The following LAMA1 variants were observed in gnomAD, a reference collection of about 807,000 sequenced individuals.
LAMA1 encodes the protein laminin subunit alpha 1.
In LAMA1, 219 loss-of-function variants were observed where a neutral mutation model predicts 348.7. That is an observed-to-expected ratio of 0.63 (90% CI 0.56 to 0.70). The LOEUF (loss-of-function observed/expected upper bound fraction) is 0.70. Ranked by LOEUF, LAMA1 falls within the 30% of genes least tolerant of loss-of-function variation. The probability of loss-of-function intolerance (pLI) is 0.00; values close to 1 mark genes in which losing one functional copy is unlikely to be tolerated. For synonymous variants in LAMA1, 1,487 were observed against 1,491.0 expected, an observed-to-expected ratio of 1.00 and a Z score of 0.06; for missense variants, 3,744 against 3,888.0, an observed-to-expected ratio of 0.96 and a Z score of 0.99.
At chr18:7,011,910 G>A (rs1227605268) in intron 24 of LAMA1, 85 bp downstream of exon 24, 1 of 1,490,906 alleles carries the variant, frequency 6.7e-7, no homozygotes, top group Non-Finnish European at 9.1e-7. Context: ...AATTTAATGT[G>A]AACACTTGGC....
chr18:7,106,692 C>T (rs894810570), intron 1 of LAMA1, among the ~76,000 whole-genome samples: 2 of 151,954 alleles, frequency 1.3e-5, no homozygotes, highest in African/African-American at 4.8e-5. Flanking sequence ...TGATATGACC[C>T]CCACCCCAGA....
At chr18:7,053,372 A>G (rs1209666939) in intron 3 of LAMA1, among the ~76,000 whole-genome samples, 2 of 152,380 alleles carry the variant, frequency 1.3e-5, no homozygotes, top group East Asian at 1.9e-4. Context: ...TGTCTCATCA[A>G]TGATAACAAA....
intron 19 of LAMA1, among the ~76,000 whole-genome samples, chr18:7,020,224 G>A (rs1053123581): frequency 2.6e-5 from 4 of 152,066 alleles, no homozygotes; most frequent in African/African-American, 9.7e-5. Flanking sequence ...CTACCTGGAC[G>A]GCCTGTCCAC....
chr18:7,021,340 G>A (rs1033776038), intron 19 of LAMA1, among the ~76,000 whole-genome samples: 5 of 152,206 alleles, frequency 3.3e-5, no homozygotes, highest in African/African-American at 1.2e-4. Flanking sequence ...TGTGGCTGAT[G>A]CAAGCGAAGA....
intron 36 of LAMA1, among the ~76,000 whole-genome samples, chr18:6,989,731 C>T (rs2057750536): frequency 6.6e-6 from 1 of 152,094 alleles, no homozygotes; most frequent in Admixed American, 6.5e-5. Context: ...CCCTGCCTAC[C>T]CACCTCCTTT....
intron 16 of LAMA1, among the ~76,000 whole-genome samples, chr18:7,031,073 G>A (rs2057967074): frequency 6.6e-6 from 1 of 152,116 alleles, no homozygotes; most frequent in African/African-American, 2.4e-5. Context: ...GAAAAATTAA[G>A]TTCTAAGCCA....
chr18:6,941,984 G>A lies in LAMA1; in HGVS notation c.*95C>T, dbSNP rs1446687673. 3 of 1,495,920 alleles carry A rather than the reference G, an allele frequency of 2.0e-6. No homozygotes were observed. The highest frequency in any genetic ancestry group is 2.8e-6 in the Non-Finnish European group (3 of 1,080,358). The allele number at this position is 1,495,920 out of a possible 1,614,324, so 92.7% of individuals were successfully genotyped here. A position where few individuals can be genotyped will look rare whatever the true frequency, so the allele number is the denominator to read the frequency against. On this transcript the variant is annotated 3_prime_UTR_variant, in exon 63 of 63. Transcript: ENST00000389658. ...TCCCCAGAAACACTTAACCTGAGTT[G>A]GAAATGAAATATGAACTGAAGAGAT...
intron 1 of LAMA1, among the ~76,000 whole-genome samples, chr18:7,080,979 C>T (rs534517832): frequency 6.6e-6 from 1 of 152,206 alleles, no homozygotes; most frequent in African/African-American, 2.4e-5. Flanking sequence ...CAATGATATG[C>T]CATCTCACAC....
At chr18:6,961,422 T>C (rs1471076935) in intron 53 of LAMA1, among the ~76,000 whole-genome samples, 164 bp downstream of exon 53, 1 of 152,224 alleles carries the variant, frequency 6.6e-6, no homozygotes, top group African/African-American at 2.4e-5. Context: ...TGATTCATAA[T>C]GGGATGACAT....
At chr18:7,094,471 C>A (rs567884828) in intron 1 of LAMA1, among the ~76,000 whole-genome samples, 4 of 149,116 alleles carry the variant, frequency 2.7e-5, no homozygotes, top group Admixed American at 2.7e-4. Flanking sequence ...TCTCCTGGAC[C>A]TTTTTTCCAG....
chr18:7,033,744 T>G (rs1171481625), intron 14 of LAMA1, among the ~76,000 whole-genome samples: 30 of 151,794 alleles, frequency 2.0e-4, no homozygotes, highest in Non-Finnish European at 4.4e-5. Flanking sequence ...CATACAACTT[T>G]TTTTTTTTGA....
rs112175528 is a variant in LAMA1, at chr18:7,045,716, G to A, written c.858+562C>T. ...TGGGACTATAGGTGCATACCACCAC[G>A]CCCCACTAATTTTTGTATTTTCAGC... On this transcript the variant is annotated intron_variant, in intron 6 of 62. Transcript: ENST00000389658. 8.9e-3 allele frequency among the ~76,000 whole-genome samples: 1,355 copies of A among 151,926 alleles called. 24 individuals are homozygous for A. The highest frequency in any genetic ancestry group is 0.032 in the African/African-American group (1,306 of 41,414).
chr18:6,949,015 C>A, intron 59 of LAMA1, 86 bp downstream of exon 59: 2 of 1,533,228 alleles, frequency 1.3e-6, no homozygotes, highest in Non-Finnish European at 1.8e-6. Flanking sequence ...GTAATTTAAA[C>A]ATAAAGATGC....
At chr18:7,052,423 T>G (rs1028681527) in intron 3 of LAMA1, among the ~76,000 whole-genome samples, 1 of 145,056 alleles carries the variant, frequency 6.9e-6, no homozygotes, top group Non-Finnish European at 1.5e-5. Context: ...AGAGTGAGAC[T>G]CTGTATCAAA....
At chr18:7,050,637 G>C (rs2058058530) in intron 4 of LAMA1, 57 bp downstream of exon 4, 2 of 1,611,368 alleles carry the variant, frequency 1.2e-6, no homozygotes, top group Admixed American at 3.3e-5. Flanking sequence ...TTTTGAGTCT[G>C]AGACAGGGAG....
chr18:6,973,007 A>G, intron 47 of LAMA1, 50 bp downstream of exon 47: 1 of 1,605,814 alleles, frequency 6.2e-7, no homozygotes, highest in Middle Eastern at 1.7e-4. Flanking sequence ...TTTTATATAT[A>G]GGTAAAATCA....
Position 7,017,452 on chromosome 18 carries a change from C to T in LAMA1, c.2702-68G>A, listed in dbSNP as rs2057894412. On this transcript the variant is annotated intron_variant, in intron 19 of 62. Transcript: ENST00000389658. ...GGATGGTTATCATAAGATCCGTCAT[C>T]CCCAAAGGAAAAAAAAAATGTAAAC... 5.5e-6 allele frequency: 6 copies of T among 1,087,882 alleles called. No individual in the cohort carries two copies. In the East Asian group the frequency reaches 1.4e-4, roughly 26 times the overall value. 67.4% of individuals were successfully genotyped at this position (1,087,882 alleles called of 1,614,324 possible). A position where few individuals can be genotyped will look rare whatever the true frequency, so the allele number is the denominator to read the frequency against.
chr18:7,004,126 A>G (rs2057821081), intron 29 of LAMA1, among the ~76,000 whole-genome samples: 1 of 152,214 alleles, frequency 6.6e-6, no homozygotes, highest in Non-Finnish European at 1.5e-5. Flanking sequence ...AAGCTGCCCC[A>G]AGAGTGGCAG....
Position 7,079,558 on chromosome 18 carries a change from C to T in LAMA1, c.345+417G>A, listed in dbSNP as rs373681220. 1.7e-4 allele frequency: 45 copies of T among 262,030 alleles called. 1 individual carries two copies. In the South Asian group the frequency reaches 2.1e-3, roughly 12 times the overall value. 16.2% of individuals were successfully genotyped at this position (262,030 alleles called of 1,614,324 possible). ...TAACACCGTTTTGTCTTTTTTTCTT[C>T]TAGCCTTATATAATCCTTATACAAT... is the stretch of plus-strand genomic sequence containing the variant. On this transcript the variant is annotated intron_variant, in intron 3 of 62. Transcript: ENST00000389658.
Sources: gnomAD v4.1 joint callset for allele counts (sites outside exome capture counted in the v4.1 genomes callset) on GRCh38, gnomAD v4.1.1 for gene constraint, MANE v1.5 for transcripts, NCBI Gene and HGNC (gene_info 2026-07-23, HGNC 2026-07-21) for gene names.